C10orf90: variants seen among roughly 807,000 people sequenced by gnomAD.
C10orf90 encodes the protein chromosome 10 open reading frame 90.
Under a neutral mutation model 62.5 loss-of-function variants are expected in C10orf90, and 56 were observed. The observed-to-expected ratio is 0.90, with a 90% CI of 0.72 to 1.12. The LOEUF (loss-of-function observed/expected upper bound fraction) is 1.12. Ranked by LOEUF, C10orf90 falls within the 50% of genes most tolerant of loss-of-function variation. C10orf90 has a pLI of 0.00. For synonymous variants in C10orf90, 386 were observed against 340.4 expected (o/e 1.13, Z -1.47); for missense variants, 970 against 880.4 (o/e 1.10, Z -1.29).
rs375106692 is a variant in C10orf90, at chr10:126,571,668, C to T, written c.314-57729G>A. On this transcript the variant is annotated intron_variant, in intron 2 of 9. Coordinates refer to ENST00000488181, the MANE Select transcript of C10orf90 (RefSeq NM_001350921.2). ...GGGAATAAGCAAGTGGGACCTGGGG[C>T]ACTGGGTGGGTTGAGGGGGAAGGTA... Among the ~76,000 whole-genome samples, 45 of 152,248 alleles carry T rather than the reference C, an allele frequency of 3.0e-4. 1 individual carries two copies. Among genetic ancestry groups the T allele is most frequent in the African/African-American group, 1.1e-3 (44 of 41,542 alleles).
chr10:126,536,474 TGGC>T, intron 2 of C10orf90, among the ~76,000 whole-genome samples: 1 of 152,286 alleles, frequency 6.6e-6, no homozygotes, highest in East Asian at 1.9e-4. Flanking sequence ...CCTAGTTCCT[TGGC>T]GGAAAGATCC....
intron 2 of C10orf90, among the ~76,000 whole-genome samples, chr10:126,596,936 G>A (rs1477257068): frequency 6.6e-6 from 1 of 152,078 alleles, no homozygotes; most frequent in Admixed American, 6.6e-5. Flanking sequence ...ATGACAAATA[G>A]GCACACAAAG....
chr10:126,661,553 C>G (rs1285600838), intron 1 of C10orf90, among the ~76,000 whole-genome samples: 1 of 152,170 alleles, frequency 6.6e-6, no homozygotes, highest in African/African-American at 2.4e-5. Context: ...ATATGGTTTC[C>G]CCACAAGTTC....
chr10:126,436,761 A>T (rs1418803792), intron 7 of C10orf90, among the ~76,000 whole-genome samples: 1 of 152,180 alleles, frequency 6.6e-6, no homozygotes, highest in Non-Finnish European at 1.5e-5. Context: ...TCTCAGGCTC[A>T]AGTGATCCTC....
At chr10:126,667,605 C>T (rs1846658067) in intron 1 of C10orf90, among the ~76,000 whole-genome samples, 1 of 152,138 alleles carries the variant, frequency 6.6e-6, no homozygotes, top group Admixed American at 6.5e-5. Context: ...AGGAGATGCT[C>T]ACTTACATTC....
intron 2 of C10orf90, among the ~76,000 whole-genome samples, chr10:126,557,604 C>A (rs1864807085): frequency 6.6e-6 from 1 of 152,026 alleles, no homozygotes; most frequent in South Asian, 2.1e-4. Flanking sequence ...ACACATATAC[C>A]ATTTCTTTAG....
intron 4 of C10orf90, among the ~76,000 whole-genome samples, chr10:126,494,377 A>G (rs1336424471): frequency 1.3e-5 from 2 of 152,148 alleles, no homozygotes; most frequent in Admixed American, 6.5e-5. Context: ...TTTGCAAGAT[A>G]TGGGCCTCAA....
At chr10:126,593,332 T>G (rs990894702) in intron 2 of C10orf90, among the ~76,000 whole-genome samples, 7 of 152,314 alleles carry the variant, frequency 4.6e-5, no homozygotes, top group Non-Finnish European at 8.8e-5. Flanking sequence ...GTGGTGCATA[T>G]ACACAATAGA....
chr10:126,544,046 G>A (rs1864436153), intron 2 of C10orf90, among the ~76,000 whole-genome samples: 1 of 152,206 alleles, frequency 6.6e-6, no homozygotes, highest in Admixed American at 6.5e-5. Flanking sequence ...CAGGTCCGGT[G>A]TTGCCAGATC....
chr10:126,557,282 C>A (rs1382824989), intron 2 of C10orf90, among the ~76,000 whole-genome samples: 1 of 151,876 alleles, frequency 6.6e-6, no homozygotes, highest in Non-Finnish European at 1.5e-5. Flanking sequence ...GAGATTGAGA[C>A]CATCCTGGCT....
intron 2 of C10orf90, among the ~76,000 whole-genome samples, chr10:126,603,406 A>G (rs111235711): frequency 0.011 from 1,614 of 152,266 alleles, 26 homozygotes; most frequent in African/African-American, 0.037. Flanking sequence ...AACCGCCCCC[A>G]TGATTCAATT....
At chr10:126,643,638 AC>A (rs1591169284) in intron 2 of C10orf90, among the ~76,000 whole-genome samples, 1 of 152,200 alleles carries the variant, frequency 6.6e-6, no homozygotes, top group East Asian at 1.9e-4. Context: ...CCAAGTAGCA[AC>A]CTTGGTTCCT....
At chr10:126,522,209 G>A (rs1196532108) in intron 2 of C10orf90, among the ~76,000 whole-genome samples, 3 of 152,216 alleles carry the variant, frequency 2.0e-5, no homozygotes, top group South Asian at 2.1e-4. Flanking sequence ...CAGAGGTTGC[G>A]GTGAGCCAAG....
intron 7 of C10orf90, 73 bp downstream of exon 7, chr10:126,458,967 G>T (rs986471178): frequency 2.1e-4 from 318 of 1,492,646 alleles, no homozygotes; most frequent in Non-Finnish European, 2.8e-4. Context: ...CATCACCCCT[G>T]AGTGAAGCCT....
At chr10:126,660,593 TCA>T (rs1256681819) in intron 1 of C10orf90, among the ~76,000 whole-genome samples, 1 of 152,166 alleles carries the variant, frequency 6.6e-6, no homozygotes, top group Non-Finnish European at 1.5e-5. Flanking sequence ...GCCTCAGAGA[TCA>T]CAGTCTCAGG....
intron 2 of C10orf90, among the ~76,000 whole-genome samples, chr10:126,555,422 C>T (rs1864741754): frequency 6.6e-6 from 1 of 152,018 alleles, no homozygotes; most frequent in South Asian, 2.1e-4. Flanking sequence ...CCTGTAATCC[C>T]AACACTTTGG....
chr10:126,505,265 T>C (rs540040733), intron 3 of C10orf90, among the ~76,000 whole-genome samples, 180 bp from the exon 4 acceptor site: 1 of 152,318 alleles, frequency 6.6e-6, no homozygotes, highest in East Asian at 1.9e-4. Flanking sequence ...GAAAACTAGA[T>C]GTTTATGACA....
intron 2 of C10orf90, chr10:126,521,391 A>G (rs1863735469): frequency 6.2e-7 from 1 of 1,608,198 alleles, no homozygotes; most frequent in Non-Finnish European, 8.5e-7. Flanking sequence ...GTATTTGGCG[A>G]CATGAAAGAA....
intron 4 of C10orf90, chr10:126,502,747 C>A: frequency 2.0e-6 from 1 of 503,370 alleles, no homozygotes; most frequent in Non-Finnish European, 4.0e-6. Context: ...AGACGAAGTG[C>A]TTAGCTTGAG....
Sources: allele counts gnomAD v4.1 joint callset (sites outside exome capture counted in the v4.1 genomes callset), GRCh38; gene constraint gnomAD v4.1.1; transcripts MANE v1.5; gene names NCBI Gene and HGNC (gene_info 2026-07-23, HGNC 2026-07-21).